Variants in MAP3K14 observed in about 807,000 individuals in gnomAD.
MAP3K14 encodes the protein mitogen-activated protein kinase kinase kinase 14.
Under a neutral mutation model 99.2 loss-of-function variants are expected in MAP3K14, and 16 were observed. That is an observed-to-expected ratio of 0.16 (90% CI 0.11 to 0.24). The LOEUF (loss-of-function observed/expected upper bound fraction) is 0.24. Ranked by LOEUF, MAP3K14 falls within the 10% of genes least tolerant of loss-of-function variation. MAP3K14 has a pLI of 1.00. For synonymous variants in MAP3K14, 462 were observed against 492.4 expected, an observed-to-expected ratio of 0.94 and a Z score of 0.82; for missense variants, 784 against 1,208.7, an observed-to-expected ratio of 0.65 and a Z score of 5.21.
intron 6 of MAP3K14, among the ~76,000 whole-genome samples, chr17:45,277,082 C>A (rs1218233758): frequency 1.3e-5 from 2 of 152,036 alleles, no homozygotes; most frequent in African/African-American, 4.8e-5. Flanking sequence ...CCCACCTCAG[C>A]CTCCCAAAGT....
intron 6 of MAP3K14, among the ~76,000 whole-genome samples, chr17:45,283,002 G>A (rs560976334): frequency 6.6e-6 from 1 of 152,348 alleles, no homozygotes; most frequent in Admixed American, 6.5e-5. Flanking sequence ...CTGCAGCTCT[G>A]GTGCTGAGAA....
Position 45,284,895 on chromosome 17 carries a change from G to T in MAP3K14, c.1207C>A (p.Gln403Lys). 3 of 1,561,246 alleles carry T rather than the reference G, an allele frequency of 1.9e-6. No individual in the cohort carries two copies. The South Asian group carries it at 3.5e-5, about 18-fold the overall frequency. The change falls in exon 6 of 16, where the codon CAG (glutamine) becomes AAG (lysine). Residue 403 changes from glutamine (Q) to lysine (K), a missense_variant. This residue lies in a region of MAP3K14 where 200 missense variants were observed against 367.9 expected (regional missense o/e 0.54). Coordinates refer to ENST00000344686, the MANE Select transcript of MAP3K14 (RefSeq NM_003954.5). ...YREEVHWATHQLRLGRGSFGE... is the reference protein window; with the variant it reads ...YREEVHWATHKLRLGRGSFGE... ...AAGGAGCCTCTGCCCAGGCGGAGCT[G>T]GTGCGTGGCCCAGTGGACTTCTTCT... is the stretch of plus-strand genomic sequence containing the variant.
intron 5 of MAP3K14, among the ~76,000 whole-genome samples, chr17:45,285,868 C>T (rs1249293667): frequency 6.6e-6 from 1 of 151,148 alleles, no homozygotes; most frequent in East Asian, 1.9e-4. Flanking sequence ...AGGAGGATTG[C>T]TTGAACCCAG....
At chr17:45,265,877 G>T (rs1465700846) in intron 14 of MAP3K14, among the ~76,000 whole-genome samples, 1 of 152,248 alleles carries the variant, frequency 6.6e-6, no homozygotes, top group Non-Finnish European at 1.5e-5. Flanking sequence ...GCTCCTATGG[G>T]GAAGTAGTAT....
intron 1 of MAP3K14, among the ~76,000 whole-genome samples, chr17:45,299,954 G>A (rs111882557): frequency 0.098 from 14,881 of 152,042 alleles, 892 homozygotes; most frequent in Admixed American, 0.15. Context: ...GCCAGGCATG[G>A]TGGCGCGTGC....
At chr17:45,304,610 T>C (rs2044417402) in intron 1 of MAP3K14, among the ~76,000 whole-genome samples, 1 of 152,234 alleles carries the variant, frequency 6.6e-6, no homozygotes, top group African/African-American at 2.4e-5. Context: ...GAAGATGCTA[T>C]CCTTGCTTTC....
chr17:45,285,747 G>A (rs1425575461), intron 5 of MAP3K14, among the ~76,000 whole-genome samples: 1 of 152,156 alleles, frequency 6.6e-6, no homozygotes, highest in Non-Finnish European at 1.5e-5. Flanking sequence ...CTTTAGCCCA[G>A]GAGTTTGAGA....
chr17:45,283,844 G>A (rs1171868724), intron 6 of MAP3K14, among the ~76,000 whole-genome samples: 4 of 152,200 alleles, frequency 2.6e-5, no homozygotes, highest in African/African-American at 9.6e-5. Context: ...CCACAGAAAC[G>A]CGCCTTAGGT....
chr17:45,299,863 G>A (rs1166118556), intron 1 of MAP3K14, among the ~76,000 whole-genome samples: 2 of 152,174 alleles, frequency 1.3e-5, no homozygotes. Flanking sequence ...GCCGAGGCAG[G>A]TGGATCAGTT....
intron 1 of MAP3K14, among the ~76,000 whole-genome samples, chr17:45,306,642 T>C (rs559091855): frequency 6.6e-6 from 1 of 152,354 alleles, no homozygotes; most frequent in Non-Finnish European, 1.5e-5. Context: ...TATTTACCAT[T>C]CTTTTTATAA....
chr17:45,278,034 G>C (rs997388668), intron 6 of MAP3K14, among the ~76,000 whole-genome samples: 2 of 152,146 alleles, frequency 1.3e-5, no homozygotes, highest in African/African-American at 4.8e-5. Flanking sequence ...TAAGTTGTTA[G>C]GATAAAGACT....
intron 14 of MAP3K14, 78 bp from the exon 15 acceptor site, chr17:45,265,341 G>T (rs2044069169): frequency 1.1e-6 from 1 of 929,094 alleles, no homozygotes; most frequent in South Asian, 1.3e-5. Flanking sequence ...GGGGCTGGGG[G>T]AACGTTTTTG....
intron 2 of MAP3K14, 145 bp from the exon 3 acceptor site, chr17:45,289,450 C>A: frequency 1.5e-6 from 1 of 657,420 alleles, no homozygotes. Flanking sequence ...ACCTCCCCAC[C>A]AATGCCTCCT....
At chr17:45,282,122 A>G (rs373850447) in intron 6 of MAP3K14, 11 of 152,124 alleles carry the variant, frequency 7.2e-5, no homozygotes, top group Admixed American at 6.5e-4. Context: ...TCTTTTGTAG[A>G]CATGCGATCT....
At chr17:45,290,882 GCCTCT>G in intron 1 of MAP3K14, 117 bp from the exon 2 acceptor site, 10 of 932,998 alleles carry the variant, frequency 1.1e-5, no homozygotes, top group Non-Finnish European at 1.6e-5. Flanking sequence ...GTTTATGTGT[GCCTCT>G]GCCACACATA....
intron 1 of MAP3K14, among the ~76,000 whole-genome samples, chr17:45,312,423 C>T (rs1398581973): frequency 1.3e-5 from 2 of 152,140 alleles, no homozygotes; most frequent in Non-Finnish European, 2.9e-5. Flanking sequence ...AATGACTCTT[C>T]GGCCATCAAG....
At chr17:45,303,565 A>T (rs1178388167) in intron 1 of MAP3K14, among the ~76,000 whole-genome samples, 3 of 152,102 alleles carry the variant, frequency 2.0e-5, no homozygotes, top group African/African-American at 4.8e-5. Flanking sequence ...CATCTCAAAA[A>T]TTTTTTTCCA....
At chr17:45,276,852 A>C (rs2044184620) in intron 6 of MAP3K14, among the ~76,000 whole-genome samples, 1 of 77,738 alleles carries the variant, frequency 1.3e-5, no homozygotes, top group Non-Finnish European at 2.4e-5. Flanking sequence ...TTTTTGAGAC[A>C]GAGTCTCGCT....
chr17:45,273,618 GC>G lies in MAP3K14; in HGVS notation c.1553-12del. Reference sequence around the variant, plus strand: ...GGAGCACGTTGTCAGCTGCCAGGCCGCCCCGGGGAGGAAGAGGAACAGGTGA... The same window carrying G: ...GGAGCACGTTGTCAGCTGCCAGGCCGCCCGGGGAGGAAGAGGAACAGGTGA... On this transcript the variant is annotated splice_polypyrimidine_tract_variant and intron_variant, in intron 8 of 15. Coordinates refer to ENST00000344686, the MANE Select transcript of MAP3K14 (RefSeq NM_003954.5). 6.2e-7 allele frequency: 1 copy of G among 1,601,754 alleles called. No homozygotes were observed. The highest frequency in any genetic ancestry group is 8.5e-7 in the Non-Finnish European group (1 of 1,172,442).
Sources: gnomAD v4.1 joint callset for allele counts (sites outside exome capture counted in the v4.1 genomes callset) on GRCh38, gnomAD v4.1.1 for gene constraint, gnomAD v4.1.1 regional missense constraint, MANE v1.5 for transcripts, NCBI Gene and HGNC (gene_info 2026-07-23, HGNC 2026-07-21) for gene names.